Variants in MAGI2 observed in about 807,000 individuals in gnomAD.
MAGI2 encodes membrane associated guanylate kinase, WW and PDZ domain containing 2.
MAGI2 carries 35 observed loss-of-function variants against 133.3 expected under a neutral mutation model. The observed-to-expected ratio is 0.26, with a 90% CI of 0.20 to 0.35. The LOEUF is 0.35. MAGI2 is among the 10% of genes least tolerant of loss of function. MAGI2 has a pLI of 1.00. For missense variants in MAGI2, 1,636 were observed against 1,863.4 expected (o/e 0.88, Z 2.25); for synonymous variants, 729 against 710.6 (o/e 1.03, Z -0.41).
At chr7:78,183,855 C>T (rs910050617) in intron 13 of MAGI2, among the ~76,000 whole-genome samples, 1 of 152,234 alleles carries the variant, frequency 6.6e-6, no homozygotes, top group African/African-American at 2.4e-5. Flanking sequence ...GCATGAGCCA[C>T]AGCGCCAAGC....
chr7:78,644,674 C>G (rs375167090), intron 2 of MAGI2, among the ~76,000 whole-genome samples: 1 of 151,962 alleles, frequency 6.6e-6, no homozygotes, highest in Non-Finnish European at 1.5e-5. Flanking sequence ...ATGTTTAACT[C>G]GAAATACTTA....
chr7:78,295,922 T>C (rs552402894), intron 9 of MAGI2, among the ~76,000 whole-genome samples: 2 of 152,184 alleles, frequency 1.3e-5, no homozygotes, highest in South Asian at 4.2e-4. Flanking sequence ...GTCTTTGATT[T>C]CTCCCTCTTC....
intron 2 of MAGI2, among the ~76,000 whole-genome samples, chr7:78,859,081 C>G (rs1465442700): frequency 6.7e-6 from 1 of 149,002 alleles, no homozygotes; most frequent in Admixed American, 6.7e-5. Context: ...TTTTTGTTTT[C>G]CATTTGCTTG....
intron 1 of MAGI2, among the ~76,000 whole-genome samples, chr7:79,236,488 G>T: frequency 6.6e-6 from 1 of 152,204 alleles, no homozygotes; most frequent in East Asian, 1.9e-4. Flanking sequence ...AATCAAATAT[G>T]GTTTGGACAT....
intron 1 of MAGI2, among the ~76,000 whole-genome samples, chr7:79,071,139 T>C (rs1814920691): frequency 6.6e-6 from 1 of 152,228 alleles, no homozygotes; most frequent in South Asian, 2.1e-4. Context: ...TGAGTGGATG[T>C]CCTTTATTGT....
At chr7:78,353,452 A>C (rs73701313) in intron 7 of MAGI2, among the ~76,000 whole-genome samples, 8,611 of 152,260 alleles carry the variant, frequency 0.057, 267 homozygotes, top group African/African-American at 0.071. Flanking sequence ...GCCTGGGACT[A>C]AGGAGTTTCC....
At chr7:78,879,178 G>T (rs1383966525) in intron 2 of MAGI2, among the ~76,000 whole-genome samples, 1 of 152,090 alleles carries the variant, frequency 6.6e-6, no homozygotes, top group East Asian at 1.9e-4. Flanking sequence ...TGGCATAAAT[G>T]CTTGTACTTG....
intron 10 of MAGI2, among the ~76,000 whole-genome samples, chr7:78,237,820 C>T (rs1433090170): frequency 6.6e-6 from 1 of 152,144 alleles, no homozygotes; most frequent in African/African-American, 2.4e-5. Context: ...AATAAATGTA[C>T]TCTACCAATT....
chr7:79,000,644 A>G (rs1584631018), intron 2 of MAGI2, among the ~76,000 whole-genome samples: 1 of 152,162 alleles, frequency 6.6e-6, no homozygotes, highest in Non-Finnish European at 1.5e-5. Flanking sequence ...GCTATTCTTA[A>G]CAGGAGATGG....
chr7:79,195,516 T>C (rs1828001183), intron 1 of MAGI2, among the ~76,000 whole-genome samples: 1 of 152,060 alleles, frequency 6.6e-6, no homozygotes, highest in Non-Finnish European at 1.5e-5. Context: ...AAGCCATTTG[T>C]AGTTATGTCC....
At chr7:78,515,834 G>T (rs1795993158) in intron 4 of MAGI2, among the ~76,000 whole-genome samples, 1 of 150,972 alleles carries the variant, frequency 6.6e-6, no homozygotes, top group Admixed American at 6.6e-5. Flanking sequence ...GGGAAGCGGA[G>T]GTTTTGGTGA....
chr7:78,728,540 C>CTTTTTTTTT (rs71085560), intron 2 of MAGI2, among the ~76,000 whole-genome samples: 2 of 60,070 alleles, frequency 3.3e-5, no homozygotes, highest in African/African-American at 7.3e-5. Context: ...TTTCTCTGAT[C>CTTTTTTTTT]TTTTTTTTTT....
chr7:78,861,858 C>T (rs1794179040), intron 2 of MAGI2, among the ~76,000 whole-genome samples: 1 of 152,136 alleles, frequency 6.6e-6, no homozygotes, highest in Non-Finnish European at 1.5e-5. Context: ...TTTGGAGAAT[C>T]AACTTTCTAT....
chr7:78,182,023 G>C (rs1827232444), intron 13 of MAGI2, among the ~76,000 whole-genome samples: 1 of 152,132 alleles, frequency 6.6e-6, no homozygotes. Flanking sequence ...TTTGGCATAT[G>C]GGATGCTGCT....
intron 6 of MAGI2, among the ~76,000 whole-genome samples, chr7:78,423,733 T>C (rs745365410): frequency 1.3e-5 from 2 of 152,140 alleles, no homozygotes; most frequent in Non-Finnish European, 2.9e-5. Context: ...ATGACTCTTG[T>C]TATGTTTTAC....
At chr7:78,871,184 G>A (rs780803206) in intron 2 of MAGI2, among the ~76,000 whole-genome samples, 15 of 152,016 alleles carry the variant, frequency 9.9e-5, no homozygotes, top group African/African-American at 1.7e-4. Flanking sequence ...GGTGGTGGGC[G>A]CCTGTAGTCC....
At chr7:78,148,591 G>T (rs1823549842) in intron 16 of MAGI2, among the ~76,000 whole-genome samples, 2 of 152,182 alleles carry the variant, frequency 1.3e-5, no homozygotes, top group African/African-American at 2.4e-5. Flanking sequence ...GAGACAGGAG[G>T]TGAGCAGGGG....
At chr7:78,723,293 T>C (rs778183180) in intron 2 of MAGI2, among the ~76,000 whole-genome samples, 3 of 152,186 alleles carry the variant, frequency 2.0e-5, no homozygotes, top group Non-Finnish European at 4.4e-5. Flanking sequence ...TAAAATACAT[T>C]CATCCATTTT....
Position 79,167,732 on chromosome 7 carries a change from G to T in MAGI2, c.302-160526C>A, listed in dbSNP as rs1365865520. Among the ~76,000 whole-genome samples the T allele has an allele frequency of 1.2e-4, 18 of 152,036 alleles. No homozygotes were observed. The East Asian group carries it at 3.1e-3, about 26-fold the overall frequency. Reference sequence around the variant, plus strand: ...TTTTAGGAAGAATTTAAAACATAAAGTTTAAATCATACAATGATTACATTT... The same window carrying T: ...TTTTAGGAAGAATTTAAAACATAAATTTTAAATCATACAATGATTACATTT... On this transcript the variant is annotated intron_variant, in intron 1 of 21. Transcript: ENST00000354212.
Sources: gnomAD v4.1 joint callset for allele counts (sites outside exome capture counted in the v4.1 genomes callset) on GRCh38, gnomAD v4.1.1 for gene constraint, MANE v1.5 for transcripts, NCBI Gene and HGNC (gene_info 2026-07-23, HGNC 2026-07-21) for gene names.